Variants in CBX5 observed in about 807,000 individuals in gnomAD.
The protein encoded by CBX5 is chromobox protein homolog 5.
A neutral mutation model predicts 20.7 loss-of-function variants in CBX5; 7 were observed. That is an observed-to-expected ratio of 0.34 (90% CI 0.19 to 0.63). The LOEUF (loss-of-function observed/expected upper bound fraction) is 0.63, where lower values mean the gene tolerates loss of function less well. CBX5 is among the 30% of genes least tolerant of loss of function. The pLI is 0.75. For synonymous variants in CBX5, 78 were observed against 77.0 expected (o/e 1.01, Z -0.07); for missense variants, 110 against 224.1 (o/e 0.49, Z 3.25).
Position 54,267,483 on chromosome 12 carries a change from G to A in CBX5, c.-42-9791C>T, listed in dbSNP as rs553075652. Among the ~76,000 whole-genome samples the A allele has an allele frequency of 1.6e-4, 25 of 151,852 alleles. No homozygotes were observed. In the South Asian group the frequency reaches 4.8e-3, roughly 29 times the overall value. ...ATTTCAACAAATCATCCATTTTAACGAAGAGCCTGTGTTAAGTCAGGCAAT... is the reference window on the plus strand; with the variant it reads ...ATTTCAACAAATCATCCATTTTAACAAAGAGCCTGTGTTAAGTCAGGCAAT... On this transcript the variant is annotated intron_variant, in intron 1 of 4. Coordinates refer to ENST00000209875, the MANE Select transcript of CBX5 (RefSeq NM_012117.3).
At chr12:54,246,524 G>A (rs1338616072) in intron 3 of CBX5, among the ~76,000 whole-genome samples, 1 of 152,210 alleles carries the variant, frequency 6.6e-6, no homozygotes, top group Admixed American at 6.5e-5. Flanking sequence ...GCTCACGCCT[G>A]TAATCTCAGC....
At chr12:54,267,078 C>T (rs759528383) in intron 1 of CBX5, among the ~76,000 whole-genome samples, 15 of 152,176 alleles carry the variant, frequency 9.9e-5, no homozygotes, top group Admixed American at 7.2e-4. Context: ...CATCTTAAGG[C>T]ACCACATTCT....
chr12:54,274,662 G>A (rs1325699040), intron 1 of CBX5, among the ~76,000 whole-genome samples: 4 of 152,116 alleles, frequency 2.6e-5, no homozygotes, highest in Non-Finnish European at 2.9e-5. Flanking sequence ...CAATAGAGCC[G>A]GGCACAGTGG....
At chr12:54,269,254 A>C (rs1015160297) in intron 1 of CBX5, among the ~76,000 whole-genome samples, 1 of 151,988 alleles carries the variant, frequency 6.6e-6, no homozygotes. Flanking sequence ...CAGAGCGAGG[A>C]TCCTTCTCAA....
At chr12:54,277,837 CTATTTT>C (rs1023543470) in intron 1 of CBX5, among the ~76,000 whole-genome samples, 2 of 151,976 alleles carry the variant, frequency 1.3e-5, no homozygotes, top group African/African-American at 2.4e-5. Flanking sequence ...CTCTAGTGTT[CTATTTT>C]TATTTTTTTA....
chr12:54,243,667 G>A (rs1004131656), intron 4 of CBX5, among the ~76,000 whole-genome samples: 2 of 152,106 alleles, frequency 1.3e-5, no homozygotes, highest in Non-Finnish European at 2.9e-5. Flanking sequence ...TCAGGAGTTC[G>A]AGACCAGCCT....
At chr12:54,243,477 CTT>C (rs986653828) in intron 4 of CBX5, among the ~76,000 whole-genome samples, 20 of 152,316 alleles carry the variant, frequency 1.3e-4, no homozygotes, top group African/African-American at 4.8e-4. Flanking sequence ...AGGAGGATAA[CTT>C]GAGCTCAGGA....
intron 3 of CBX5, among the ~76,000 whole-genome samples, chr12:54,248,236 G>A (rs1433323838): frequency 5.9e-5 from 9 of 152,054 alleles, no homozygotes; most frequent in African/African-American, 1.2e-4. Context: ...TGATCCACAC[G>A]CCTCAGCCTC....
intron 2 of CBX5, among the ~76,000 whole-genome samples, chr12:54,253,198 G>A (rs1160708158): frequency 6.6e-6 from 1 of 151,572 alleles, no homozygotes; most frequent in Admixed American, 6.6e-5. Flanking sequence ...CACTTTGAGA[G>A]GCACTCAGGA....
At position 54,234,445 on chromosome 12, in the gene CBX5, C is replaced by T. The variant is rs892079684; in HGVS notation, c.*7310G>A. 6.6e-6 allele frequency: 1 copy of T among 152,182 alleles called. No homozygotes were observed. The highest frequency in any genetic ancestry group is 2.4e-5 in the African/African-American group (1 of 41,436). 9.4% of individuals were successfully genotyped at this position (152,182 alleles called of 1,614,324 possible). A position where few individuals can be genotyped will look rare whatever the true frequency, so the allele number is the denominator to read the frequency against. Reference sequence around the variant, plus strand: ...GGCCTTGAATCGACTGTTAGGGTCACACCTGCCAATGCCAGGGGACATCAC... The same window carrying T: ...GGCCTTGAATCGACTGTTAGGGTCATACCTGCCAATGCCAGGGGACATCAC... On this transcript the variant is annotated 3_prime_UTR_variant, in exon 5 of 5. Transcript: ENST00000209875.
At chr12:54,247,840 ATTTTT>A (rs1175819369) in intron 3 of CBX5, among the ~76,000 whole-genome samples, 1 of 137,830 alleles carries the variant, frequency 7.3e-6, no homozygotes. Flanking sequence ...CCCCTGGCTA[ATTTTT>A]TTTTTTTTTT....
intron 1 of CBX5, among the ~76,000 whole-genome samples, chr12:54,265,497 T>C (rs1046061282): frequency 2.0e-5 from 3 of 152,218 alleles, no homozygotes; most frequent in Non-Finnish European, 4.4e-5. Context: ...TTAAATGGGC[T>C]GATAACTATC....
At chr12:54,259,097 T>C (rs1943889950) in intron 1 of CBX5, among the ~76,000 whole-genome samples, 2 of 152,158 alleles carry the variant, frequency 1.3e-5, no homozygotes, top group Admixed American at 6.5e-5. Flanking sequence ...GAGGAAGTAG[T>C]AGCAAAATGT....
chr12:54,252,267 G>A, intron 2 of CBX5, 40 bp from the exon 3 acceptor site: 1 of 1,464,892 alleles, frequency 6.8e-7, no homozygotes, highest in Non-Finnish European at 9.2e-7. Context: ...AAAAAGGGGG[G>A]GGTAAAGAAT....
intron 1 of CBX5, among the ~76,000 whole-genome samples, chr12:54,263,371 C>G (rs188639137): frequency 6.8e-6 from 1 of 146,874 alleles, no homozygotes; most frequent in Admixed American, 6.8e-5. Context: ...CAAAAAAAAA[C>G]CAAACAAAAA....
At position 54,241,142 on chromosome 12, in the gene CBX5, G is replaced by A. The variant is rs974932389; in HGVS notation, c.*613C>T. On this transcript the variant is annotated 3_prime_UTR_variant, in exon 5 of 5. Coordinates refer to ENST00000209875, the MANE Select transcript of CBX5 (RefSeq NM_012117.3). ...AAAATTTCAAATCTTCCAAAGGATG[G>A]AGTAATTCTGGGAGGATGAGTGAGG... 1 of 152,178 alleles carries A rather than the reference G, an allele frequency of 6.6e-6. No individual in the cohort carries two copies. Among genetic ancestry groups the A allele is most frequent in the African/African-American group, 2.4e-5 (1 of 41,426 alleles). 9.4% of individuals were successfully genotyped at this position (152,178 alleles called of 1,614,324 possible).
intron 2 of CBX5, among the ~76,000 whole-genome samples, chr12:54,253,231 A>G (rs1486184267): frequency 6.6e-6 from 1 of 151,888 alleles, no homozygotes; most frequent in Non-Finnish European, 1.5e-5. Context: ...CCTGGTCAAT[A>G]TTGCAAAACC....
chr12:54,272,448 G>GA (rs1944018865), intron 1 of CBX5: 1 of 151,996 alleles, frequency 6.6e-6, no homozygotes, highest in African/African-American at 2.4e-5. Flanking sequence ...GTTTCAGGTA[G>GA]AAAAAAATCT....
At chr12:54,259,300 G>C (rs913969221) in intron 1 of CBX5, 26 of 152,110 alleles carry the variant, frequency 1.7e-4, no homozygotes, top group African/African-American at 6.3e-4. Flanking sequence ...AGCAGTTTAG[G>C]TCAGAGCGCT....
Sources: gnomAD v4.1 joint callset for allele counts (sites outside exome capture counted in the v4.1 genomes callset) on GRCh38, gnomAD v4.1.1 for gene constraint, MANE v1.5 for transcripts, NCBI Gene and HGNC (gene_info 2026-07-23, HGNC 2026-07-21) for gene names.